The following SYT2 variants were observed in gnomAD, a reference collection of about 807,000 sequenced individuals.
SYT2 encodes the protein synaptotagmin 2.
In SYT2, 15 loss-of-function variants were observed where a neutral mutation model predicts 39.9. The observed-to-expected ratio is 0.38, with a 90% CI of 0.25 to 0.58. The LOEUF (loss-of-function observed/expected upper bound fraction) is 0.58, where lower values mean the gene tolerates loss of function less well. Ranked by LOEUF, SYT2 falls within the 20% of genes least tolerant of loss-of-function variation. SYT2 has a pLI of 0.70. For synonymous variants in SYT2, 181 were observed against 204.5 expected, an observed-to-expected ratio of 0.89 and a Z score of 0.98; for missense variants, 389 against 530.3, an observed-to-expected ratio of 0.73 and a Z score of 2.62.
rs902066779 is a variant in SYT2, at chr1:202,704,449, G to T, written c.-18+5809C>A. On this transcript the variant is annotated intron_variant, in intron 1 of 8. Coordinates refer to ENST00000367268, the MANE Select transcript of SYT2 (RefSeq NM_177402.5). ...GGAAAAGGCGGGAGGAAAGTAGGAAGTAAGGAAGGAATGGGGTGCTCTGGC... is the reference window on the plus strand; with the variant it reads ...GGAAAAGGCGGGAGGAAAGTAGGAATTAAGGAAGGAATGGGGTGCTCTGGC... 3.3e-5 allele frequency among the ~76,000 whole-genome samples: 5 copies of T among 152,310 alleles called. No homozygotes were observed. In the South Asian group the frequency reaches 6.2e-4, roughly 19 times the overall value.
Position 202,602,967 on chromosome 1 carries a change from C to T in SYT2, c.465+32G>A, listed in dbSNP as rs774475916. ...CCCAACTCCCAGGCCTCTCCCCATT[C>T]CCCCACTCTGCCCCCCCACAGCCCT... On this transcript the variant is annotated intron_variant, in intron 4 of 8. Transcript: ENST00000367268. 3.0e-6 allele frequency: 4 copies of T among 1,331,592 alleles called. 1 individual carries two copies. Among genetic ancestry groups the T allele is most frequent in the South Asian group, 2.4e-5 (2 of 84,242 alleles). 82.5% of individuals were successfully genotyped at this position (1,331,592 alleles called of 1,614,324 possible).
At chr1:202,609,537 C>T (rs1313265074) in intron 1 of SYT2, among the ~76,000 whole-genome samples, 2 of 152,204 alleles carry the variant, frequency 1.3e-5, no homozygotes, top group East Asian at 3.9e-4. Context: ...TTCTCCACAT[C>T]CTCTCCAGCA....
chr1:202,629,564 G>A (rs532471017), intron 1 of SYT2, among the ~76,000 whole-genome samples: 1 of 152,282 alleles, frequency 6.6e-6, no homozygotes, highest in Non-Finnish European at 1.5e-5. Flanking sequence ...ACAACACTGG[G>A]ATGTGAAGAG....
intron 1 of SYT2, among the ~76,000 whole-genome samples, chr1:202,697,415 A>T (rs566499121): frequency 6.6e-6 from 1 of 152,376 alleles, no homozygotes; most frequent in South Asian, 2.1e-4. Flanking sequence ...GCAACCTGCC[A>T]AGAGCCATGT....
At position 202,602,980 on chromosome 1, in the gene SYT2, C is replaced by T. The variant is rs1690569128; in HGVS notation, c.465+19G>A. The T allele has an allele frequency of 2.0e-6, 3 of 1,465,446 alleles. No homozygotes were observed. The highest frequency in any genetic ancestry group is 2.7e-6 in the Non-Finnish European group (3 of 1,106,348). The allele number at this position is 1,465,446 out of a possible 1,614,324, so 90.8% of individuals were successfully genotyped here. ...CCTCTCCCCATTCCCCCACTCTGCC[C>T]CCCCACAGCCCTGCATACCTGATTA... On this transcript the variant is annotated intron_variant, in intron 4 of 8. Transcript: ENST00000367268.
At chr1:202,706,769 TGAA>T (rs980762235) in intron 1 of SYT2, among the ~76,000 whole-genome samples, 3 of 152,240 alleles carry the variant, frequency 2.0e-5, no homozygotes, top group African/African-American at 7.2e-5. Flanking sequence ...GAGTGGAAGA[TGAA>T]GAATCAACTT....
intron 1 of SYT2, among the ~76,000 whole-genome samples, chr1:202,693,953 T>C (rs564532855): frequency 6.6e-6 from 1 of 152,318 alleles, no homozygotes; most frequent in East Asian, 1.9e-4. Flanking sequence ...GCACATCACA[T>C]GGCAAGAGCC....
In SYT2 at chr1:202,599,079, G is replaced by T; in HGVS notation, c.1053+139C>A. The T allele has an allele frequency of 8.6e-7, 1 of 1,158,248 alleles. No homozygotes were observed. Among genetic ancestry groups the T allele is most frequent in the Non-Finnish European group, 1.2e-6 (1 of 817,644 alleles). 71.7% of individuals were successfully genotyped at this position (1,158,248 alleles called of 1,614,324 possible). ...CACTTGGGAAGGAGGCCCCACCCAG[G>T]CACCATTAGACCTCGAGCCTTCCCC... On this transcript the variant is annotated intron_variant, in intron 8 of 8. Transcript: ENST00000367268. The surrounding 1 kb of genome is among the most constrained non-coding windows in gnomAD (Gnocchi z 4.4).
chr1:202,709,356 G>A (rs797015823), intron 1 of SYT2, among the ~76,000 whole-genome samples: 15 of 152,332 alleles, frequency 9.8e-5, no homozygotes, highest in African/African-American at 3.6e-4. Flanking sequence ...TGTGGAATGT[G>A]GGGATGAAAA....
In SYT2 at chr1:202,623,193, G is replaced by C. The variant is rs75595765; in HGVS notation, c.-17-17404C>G. The stretch of plus-strand genomic sequence containing the variant: ...CAGCCAGGATCACAACTTGAAACAG[G>C]ACAGAGAAGCCCGCCATCCCCATGG... On this transcript the variant is annotated intron_variant, in intron 1 of 8. Coordinates refer to ENST00000367268, the MANE Select transcript of SYT2 (RefSeq NM_177402.5). The surrounding 1 kb of genome is among the most constrained non-coding windows in gnomAD (Gnocchi z 4.2). 6.6e-6 allele frequency among the ~76,000 whole-genome samples: 1 copy of C among 152,132 alleles called. No homozygotes were observed. The highest frequency in any genetic ancestry group is 1.5e-5 in the Non-Finnish European group (1 of 68,036).
intron 1 of SYT2, among the ~76,000 whole-genome samples, chr1:202,705,931 G>A (rs1404694879): frequency 1.3e-5 from 2 of 152,054 alleles, no homozygotes; most frequent in African/African-American, 4.8e-5. Context: ...GGGCTCAAGC[G>A]ATCCTTCTAC....
At chr1:202,667,249 T>C (rs1472454834) in intron 1 of SYT2, among the ~76,000 whole-genome samples, 1 of 152,074 alleles carries the variant, frequency 6.6e-6, no homozygotes, top group African/African-American at 2.4e-5. Flanking sequence ...TCTGGGGCCT[T>C]CTATTAAAAA....
At chr1:202,686,574 G>A (rs572421864) in intron 1 of SYT2, among the ~76,000 whole-genome samples, 1 of 152,190 alleles carries the variant, frequency 6.6e-6, no homozygotes, top group South Asian at 2.1e-4. Flanking sequence ...CCACTCTCAG[G>A]TCCTCCTGAG....
Position 202,602,962 on chromosome 1 carries a change from C to T in SYT2, c.465+37G>A, listed in dbSNP as rs1329811296. On this transcript the variant is annotated intron_variant, in intron 4 of 8. Coordinates refer to ENST00000367268, the MANE Select transcript of SYT2 (RefSeq NM_177402.5). ...TTCCACCCAACTCCCAGGCCTCTCC[C>T]CATTCCCCCACTCTGCCCCCCCACA... The T allele has an allele frequency of 2.6e-6, 4 of 1,568,560 alleles. No homozygotes were observed. The African/African-American group carries it at 6.1e-5, about 24-fold the overall frequency.
At chr1:202,627,981 C>T (rs927112391) in intron 1 of SYT2, among the ~76,000 whole-genome samples, 2 of 152,152 alleles carry the variant, frequency 1.3e-5, no homozygotes, top group Non-Finnish European at 2.9e-5. Flanking sequence ...CTTCCCAGCA[C>T]CCAGCCCAGG....
At chr1:202,709,830 C>G (rs1265290688) in intron 1 of SYT2, among the ~76,000 whole-genome samples, 1 of 152,158 alleles carries the variant, frequency 6.6e-6, no homozygotes, top group Non-Finnish European at 1.5e-5. Flanking sequence ...AAGCTTGAGA[C>G]TGGGGCAAAA....
At chr1:202,631,851 C>T (rs1691602193) in intron 1 of SYT2, among the ~76,000 whole-genome samples, 1 of 152,186 alleles carries the variant, frequency 6.6e-6, no homozygotes, top group Non-Finnish European at 1.5e-5. Flanking sequence ...TAAGGGGACA[C>T]AGCGCTGACC....
At chr1:202,698,309 G>A (rs1654026535) in intron 1 of SYT2, among the ~76,000 whole-genome samples, 1 of 152,124 alleles carries the variant, frequency 6.6e-6, no homozygotes, top group Non-Finnish European at 1.5e-5. Context: ...ACGTGCCAGG[G>A]CAATCAATTA....
At chr1:202,644,195 G>A (rs922263933) in intron 1 of SYT2, among the ~76,000 whole-genome samples, 1 of 152,066 alleles carries the variant, frequency 6.6e-6, no homozygotes, top group Non-Finnish European at 1.5e-5. Context: ...CTTGGGGAGG[G>A]GAGAAAGGGC....
Sources: gnomAD v4.1 joint callset for allele counts (sites outside exome capture counted in the v4.1 genomes callset) on GRCh38, gnomAD v4.1.1 for gene constraint, Gnocchi (gnomAD v3.1) non-coding constraint, MANE v1.5 for transcripts, NCBI Gene and HGNC (gene_info 2026-07-23, HGNC 2026-07-21) for gene names.